The following PTPRK variants were observed in gnomAD, a reference collection of about 807,000 sequenced individuals.
PTPRK encodes protein tyrosine phosphatase receptor type K, also known as receptor-type tyrosine-protein phosphatase kappa.
A neutral mutation model predicts 178.0 loss-of-function variants in PTPRK; 75 were observed. That is an observed-to-expected ratio of 0.42 (90% CI 0.35 to 0.51). PTPRK has a LOEUF of 0.51. Ranked by LOEUF, PTPRK falls within the 20% of genes least tolerant of loss-of-function variation. The probability of loss-of-function intolerance (pLI) is 0.02; values close to 1 mark genes in which losing one functional copy is unlikely to be tolerated. For synonymous variants in PTPRK, 637 were observed against 620.6 expected, an observed-to-expected ratio of 1.03 and a Z score of -0.39; for missense variants, 1,441 against 1,797.8, an observed-to-expected ratio of 0.80 and a Z score of 3.59.
intron 1 of PTPRK, among the ~76,000 whole-genome samples, chr6:128,431,502 A>T (rs193004541): frequency 3.3e-5 from 5 of 151,654 alleles, no homozygotes; most frequent in Admixed American, 2.0e-4. Context: ...AAATCAATTT[A>T]AAAAAAAATA....
At chr6:128,233,919 G>A (rs1272251226) in intron 5 of PTPRK, among the ~76,000 whole-genome samples, 1 of 152,142 alleles carries the variant, frequency 6.6e-6, no homozygotes, top group Non-Finnish European at 1.5e-5. Context: ...CCTGCCAAGC[G>A]CTGTAATGAT....
chr6:128,190,581 C>T (rs1468638345), intron 6 of PTPRK, among the ~76,000 whole-genome samples: 1 of 147,008 alleles, frequency 6.8e-6, no homozygotes, highest in South Asian at 2.2e-4. Context: ...TCACCACAAC[C>T]TTGGCCTCCC....
chr6:128,139,172 C>CAACAACATTATGGAGAACG (rs1192576518), intron 7 of PTPRK, among the ~76,000 whole-genome samples: 2 of 151,912 alleles, frequency 1.3e-5, no homozygotes, highest in East Asian at 1.9e-4. Context: ...GGACAGAGAA[C>CAACAACATTATGGAGAACG]AACAACATTA....
At chr6:128,385,312 C>A (rs1451837874) in intron 2 of PTPRK, among the ~76,000 whole-genome samples, 1 of 151,934 alleles carries the variant, frequency 6.6e-6, no homozygotes, top group Non-Finnish European at 1.5e-5. Flanking sequence ...GATTCACTTC[C>A]TTGCCTTGTA....
At chr6:128,089,430 A>C (rs1321701663) in intron 8 of PTPRK, among the ~76,000 whole-genome samples, 1 of 152,200 alleles carries the variant, frequency 6.6e-6, no homozygotes, top group Non-Finnish European at 1.5e-5. Context: ...AAACCCCTTC[A>C]TTTAAGTTTT....
chr6:127,973,804 C>A lies in PTPRK; in HGVS notation c.3993G>T (p.Val1331=), dbSNP rs765595507. Residue 1331 remains valine (V), a synonymous_variant, in exon 28 of 30, where the codon GTG becomes GTT. Transcript: ENST00000368226. The stretch of plus-strand genomic sequence containing the variant: ...CCCATCCTAGGTACTGAAACTGTTG[C>A]ACCATCAGATAACCTTCCTGTGGCT... ...LTRPQEGYLM[V]QQFQYLGWAS... 3.7e-6 allele frequency: 6 copies of A among 1,613,572 alleles called. 1 individual carries two copies. The African/African-American group carries it at 5.3e-5, about 14-fold the overall frequency.
chr6:128,412,962 C>T (rs1206002015), intron 1 of PTPRK, among the ~76,000 whole-genome samples: 2 of 152,160 alleles, frequency 1.3e-5, no homozygotes, highest in African/African-American at 2.4e-5. Context: ...TTTAGAGATG[C>T]CATTTACAAG....
Position 128,265,112 on chromosome 6 carries a change from C to T in PTPRK, c.496-22510G>A, listed in dbSNP as rs535857045. Among the ~76,000 whole-genome samples, 386 of 152,114 alleles carry T rather than the reference C, an allele frequency of 2.5e-3. 1 individual carries two copies. The highest frequency in any genetic ancestry group is 8.9e-3 in the African/African-American group (368 of 41,518). On this transcript the variant is annotated intron_variant, in intron 3 of 29. Transcript: ENST00000368226. ...GTAGAACAGATTTTAATAGTCACATCTTATAGATACTAAAAATGGAGCTGA... is the reference window on the plus strand; with the variant it reads ...GTAGAACAGATTTTAATAGTCACATTTTATAGATACTAAAAATGGAGCTGA...
At chr6:128,101,501 T>A (rs975874087) in intron 7 of PTPRK, among the ~76,000 whole-genome samples, 4 of 152,114 alleles carry the variant, frequency 2.6e-5, no homozygotes, top group African/African-American at 9.6e-5. Flanking sequence ...AGCAATTCTA[T>A]GTCTTTTTCT....
intron 13 of PTPRK, among the ~76,000 whole-genome samples, chr6:128,026,865 T>C (rs780293815): frequency 4.6e-5 from 7 of 152,166 alleles, no homozygotes; most frequent in African/African-American, 9.7e-5. Flanking sequence ...ATCTATTCAA[T>C]AAATATTACT....
chr6:128,194,051 A>C (rs2128253290), intron 6 of PTPRK, among the ~76,000 whole-genome samples: 1 of 138,118 alleles, frequency 7.2e-6, no homozygotes, highest in Non-Finnish European at 1.5e-5. Flanking sequence ...AAATCGCAAT[A>C]ATATTTATAT....
chr6:128,143,794 A>T (rs983221488), intron 7 of PTPRK, among the ~76,000 whole-genome samples: 3 of 152,048 alleles, frequency 2.0e-5, no homozygotes, highest in Non-Finnish European at 2.9e-5. Flanking sequence ...TCCCCTCTTA[A>T]TATTTTGCTG....
chr6:128,184,874 A>G, intron 6 of PTPRK, 149 bp from the exon 7 acceptor site: 1 of 833,234 alleles, frequency 1.2e-6, no homozygotes, highest in East Asian at 2.7e-5. Flanking sequence ...GCATGATCTG[A>G]CAACTGTACT....
At chr6:128,107,567 A>C (rs1272910343) in intron 7 of PTPRK, among the ~76,000 whole-genome samples, 4 of 152,066 alleles carry the variant, frequency 2.6e-5, no homozygotes, top group Non-Finnish European at 5.9e-5. Context: ...GTATTTGAGT[A>C]AAAAACATAT....
intron 7 of PTPRK, among the ~76,000 whole-genome samples, chr6:128,159,743 T>G (rs1308578766): frequency 1.3e-5 from 2 of 151,706 alleles, no homozygotes; most frequent in African/African-American, 4.8e-5. Context: ...CTGGTACCAA[T>G]AAAGTCTATT....
intron 12 of PTPRK, among the ~76,000 whole-genome samples, chr6:128,065,155 A>T (rs1419515728): frequency 1.3e-5 from 2 of 152,192 alleles, no homozygotes; most frequent in Non-Finnish European, 2.9e-5. Flanking sequence ...TATAAATTTA[A>T]TTTTCATCTG....
At chr6:128,407,779 T>C (rs550867472) in intron 1 of PTPRK, among the ~76,000 whole-genome samples, 2 of 152,276 alleles carry the variant, frequency 1.3e-5, no homozygotes, top group African/African-American at 4.8e-5. Flanking sequence ...AGTTTTAATC[T>C]ATCAAATTGT....
chr6:128,033,070 T>C (rs543663838), intron 13 of PTPRK, among the ~76,000 whole-genome samples: 3 of 152,294 alleles, frequency 2.0e-5, no homozygotes, highest in African/African-American at 7.2e-5. Flanking sequence ...CAGGGCTCTT[T>C]GGGAAGTTGG....
intron 8 of PTPRK, among the ~76,000 whole-genome samples, chr6:128,086,868 AAAT>A (rs1447438411): frequency 1.3e-5 from 2 of 152,110 alleles, no homozygotes; most frequent in Admixed American, 1.3e-4. Flanking sequence ...CAATACTATG[AAAT>A]AATAATACGA....
Sources: allele counts gnomAD v4.1 joint callset (sites outside exome capture counted in the v4.1 genomes callset), GRCh38; gene constraint gnomAD v4.1.1; transcripts MANE v1.5; gene names NCBI Gene and HGNC (gene_info 2026-07-23, HGNC 2026-07-21).